Variants in NKAIN2 observed in about 807,000 individuals in gnomAD.
NKAIN2 encodes sodium/potassium transporting ATPase interacting 2, also known as sodium/potassium-transporting ATPase subunit beta-1-interacting protein 2.
In NKAIN2, 14 loss-of-function variants were observed where a neutral mutation model predicts 32.6. That is an observed-to-expected ratio of 0.43 (90% CI 0.28 to 0.67). The LOEUF is 0.67. NKAIN2 is among the 30% of genes least tolerant of loss of function. The pLI, the probability that NKAIN2 is intolerant of heterozygous loss-of-function variation, is 0.17. For synonymous variants in NKAIN2, 80 were observed against 87.2 expected (o/e 0.92, Z 0.46); for missense variants, 198 against 258.3 (o/e 0.77, Z 1.60).
At chr6:124,338,905 A>G (rs1333988103) in intron 2 of NKAIN2, among the ~76,000 whole-genome samples, 1 of 152,182 alleles carries the variant, frequency 6.6e-6, no homozygotes, top group Non-Finnish European at 1.5e-5. Flanking sequence ...TAGATATTAC[A>G]CTCTTCAGCA....
chr6:124,792,849 A>C (rs2114811034), intron 5 of NKAIN2, among the ~76,000 whole-genome samples: 1 of 152,298 alleles, frequency 6.6e-6, no homozygotes, highest in Admixed American at 6.5e-5. Flanking sequence ...TGGGTGAGAT[A>C]GTAGAAAAAT....
intron 3 of NKAIN2, among the ~76,000 whole-genome samples, chr6:124,404,573 T>C (rs1341006205): frequency 5.9e-5 from 9 of 152,104 alleles, no homozygotes; most frequent in African/African-American, 1.9e-4. Context: ...AGTAAAAGAG[T>C]TGGCTAGAGT....
intron 1 of NKAIN2, among the ~76,000 whole-genome samples, chr6:124,233,827 T>G (rs1414158607): frequency 6.6e-6 from 1 of 152,180 alleles, no homozygotes; most frequent in Non-Finnish European, 1.5e-5. Flanking sequence ...CCTGTCAATA[T>G]GCTAGGTTAT....
intron 1 of NKAIN2, among the ~76,000 whole-genome samples, chr6:123,841,708 A>G (rs2114936123): frequency 6.6e-6 from 1 of 152,272 alleles, no homozygotes; most frequent in East Asian, 1.9e-4. Flanking sequence ...AGTCGGCCCT[A>G]CATAACCCTC....
intron 1 of NKAIN2, among the ~76,000 whole-genome samples, chr6:124,249,439 T>C (rs557121987): frequency 6.6e-6 from 1 of 152,170 alleles, no homozygotes; most frequent in South Asian, 2.1e-4. Context: ...AATTAAATCA[T>C]TAAGGCAAAT....
intron 1 of NKAIN2, among the ~76,000 whole-genome samples, chr6:124,059,685 T>A (rs1340054333): frequency 6.6e-6 from 1 of 152,168 alleles, no homozygotes; most frequent in Non-Finnish European, 1.5e-5. Flanking sequence ...TTCCATCCAC[T>A]GCTCTTCACA....
At chr6:124,609,484 C>G (rs1344338892) in intron 3 of NKAIN2, among the ~76,000 whole-genome samples, 2 of 151,940 alleles carry the variant, frequency 1.3e-5, no homozygotes, top group African/African-American at 2.4e-5. Flanking sequence ...ATTTTACGCA[C>G]CCTAGATGTC....
At chr6:124,709,307 G>T (rs9375358) in intron 4 of NKAIN2, among the ~76,000 whole-genome samples, 58,403 of 141,802 alleles carry the variant, frequency 0.41, 12,246 homozygotes, top group African/African-American at 0.45. Flanking sequence ...TCTCTTTTTT[G>T]GTTGTGTCTC....
intron 4 of NKAIN2, among the ~76,000 whole-genome samples, chr6:124,694,062 T>C (rs1333052685): frequency 6.6e-6 from 1 of 152,246 alleles, no homozygotes; most frequent in Non-Finnish European, 1.5e-5. Flanking sequence ...CTGCATCTTG[T>C]ACACCCACAT....
chr6:123,838,059 T>C (rs11962221), intron 1 of NKAIN2, among the ~76,000 whole-genome samples: 5,853 of 152,162 alleles, frequency 0.038, 378 homozygotes, highest in African/African-American at 0.13. Context: ...GGAGAAAAAG[T>C]TAGCCCTAAA....
chr6:123,855,049 A>G (rs1316002040), intron 1 of NKAIN2, among the ~76,000 whole-genome samples: 1 of 152,208 alleles, frequency 6.6e-6, no homozygotes. Context: ...TTGGACAGCT[A>G]TGAGTTTGAA....
intron 3 of NKAIN2, among the ~76,000 whole-genome samples, chr6:124,656,957 T>C (rs764586664): frequency 9.2e-5 from 14 of 152,170 alleles, no homozygotes; most frequent in Non-Finnish European, 1.8e-4. Flanking sequence ...CCAAAGATAC[T>C]TTGAAGCTTT....
At chr6:124,321,458 T>C (rs1317837332) in intron 2 of NKAIN2, among the ~76,000 whole-genome samples, 3 of 152,248 alleles carry the variant, frequency 2.0e-5, no homozygotes, top group South Asian at 2.1e-4. Flanking sequence ...TCCCAGAACT[T>C]AAAGTATAAT....
chr6:124,366,665 G>A (rs114851150), intron 3 of NKAIN2, among the ~76,000 whole-genome samples: 5,351 of 152,066 alleles, frequency 0.035, 142 homozygotes, highest in African/African-American at 0.043. Flanking sequence ...GGCCAGGCAC[G>A]GTGGCTCATG....
chr6:124,302,719 C>T (rs1291116679), intron 2 of NKAIN2, among the ~76,000 whole-genome samples: 2 of 151,838 alleles, frequency 1.3e-5, no homozygotes, highest in East Asian at 1.9e-4. Context: ...AAAGGGTTCA[C>T]ACAACAAATA....
intron 1 of NKAIN2, among the ~76,000 whole-genome samples, chr6:123,977,481 C>T (rs542854216): frequency 3.9e-5 from 6 of 152,224 alleles, no homozygotes; most frequent in African/African-American, 1.2e-4. Flanking sequence ...GTAAAGCTTA[C>T]ATTTTAATCA....
chr6:124,565,670 A>T, intron 3 of NKAIN2, among the ~76,000 whole-genome samples: 1 of 152,174 alleles, frequency 6.6e-6, no homozygotes. Flanking sequence ...ACCCCGGATG[A>T]TTTGGCCTTG....
intron 4 of NKAIN2, among the ~76,000 whole-genome samples, chr6:124,729,782 G>C (rs28869570): frequency 0.59 from 89,624 of 151,038 alleles, 26,980 homozygotes; most frequent in East Asian, 0.71. Context: ...CCTCTTTGCA[G>C]ATGACATGAT....
intron 1 of NKAIN2, among the ~76,000 whole-genome samples, chr6:124,210,148 G>C (rs1791096124): frequency 1.3e-5 from 2 of 151,610 alleles, no homozygotes; most frequent in Admixed American, 6.6e-5. Context: ...TAGAGATCTA[G>C]TTTCATTCTT....
Sources: gnomAD v4.1 joint callset for allele counts (sites outside exome capture counted in the v4.1 genomes callset) on GRCh38, gnomAD v4.1.1 for gene constraint, MANE v1.5 for transcripts, NCBI Gene and HGNC (gene_info 2026-07-23, HGNC 2026-07-21) for gene names.